The following MYO1D variants were observed in gnomAD, a reference collection of about 807,000 sequenced individuals.
MYO1D encodes the protein unconventional myosin-Id.
In MYO1D, 83 loss-of-function variants were observed where a neutral mutation model predicts 122.0. The ratio of observed to expected loss-of-function variants is 0.68; its 90% CI spans 0.57 to 0.82. The LOEUF is 0.82. MYO1D is among the 40% of genes least tolerant of loss of function. The pLI is 0.00. For synonymous variants in MYO1D, 464 were observed against 446.9 expected, an observed-to-expected ratio of 1.04 and a Z score of -0.48; for missense variants, 1,157 against 1,269.5, an observed-to-expected ratio of 0.91 and a Z score of 1.35.
chr17:32,522,952 G>A (rs969584614), intron 21 of MYO1D, among the ~76,000 whole-genome samples: 19 of 152,120 alleles, frequency 1.2e-4, no homozygotes, highest in Admixed American at 5.9e-4. Flanking sequence ...GAGTAGCTGG[G>A]ACTACAGGTG....
chr17:32,764,266 G>A (rs72815077), intron 8 of MYO1D, among the ~76,000 whole-genome samples: 3,445 of 152,314 alleles, frequency 0.023, 66 homozygotes, highest in Non-Finnish European at 0.035. Flanking sequence ...AGAGGCTAGA[G>A]GAGCGGGGTG....
chr17:32,865,997 CT>C lies in MYO1D; in HGVS notation c.95+10780del, dbSNP rs533336598. Among the ~76,000 whole-genome samples the C allele has an allele frequency of 2.1e-4, 32 of 152,338 alleles. No homozygotes were observed. In the South Asian group the frequency reaches 6.6e-3, roughly 32 times the overall value. The stretch of plus-strand genomic sequence containing the variant: ...AACCATGATTAGAGTCATAGTCTGG[CT>C]CTCTAGGGTCTCTCTTTTTATTTTT... On this transcript the variant is annotated intron_variant, in intron 1 of 21. Coordinates refer to ENST00000318217, the MANE Select transcript of MYO1D (RefSeq NM_015194.3).
At chr17:32,495,034 GGAGGATGCCT>G in intron 21 of MYO1D, 119 bp from the exon 22 acceptor site, 1 of 1,280,210 alleles carries the variant, frequency 7.8e-7, no homozygotes, top group East Asian at 2.6e-5. Context: ...ACAAGTGCCA[GGAGGATGCCT>G]GAAGGGCCCC....
intron 17 of MYO1D, among the ~76,000 whole-genome samples, chr17:32,656,344 A>G (rs1370120039): frequency 2.0e-5 from 3 of 152,204 alleles, no homozygotes; most frequent in Non-Finnish European, 4.4e-5. Flanking sequence ...AGAAAGTGTA[A>G]TGACTTTCTG....
chr17:32,665,744 C>T (rs1247906993), intron 16 of MYO1D, among the ~76,000 whole-genome samples: 1 of 152,242 alleles, frequency 6.6e-6, no homozygotes, highest in East Asian at 1.9e-4. Flanking sequence ...GCCCTCCACT[C>T]TCACTGAAGG....
At chr17:32,729,801 C>T (rs535281353) in intron 14 of MYO1D, among the ~76,000 whole-genome samples, 5 of 152,250 alleles carry the variant, frequency 3.3e-5, no homozygotes, top group African/African-American at 1.2e-4. Flanking sequence ...TCCTGAATAG[C>T]TAAACCAGGG....
intron 21 of MYO1D, among the ~76,000 whole-genome samples, chr17:32,580,250 G>A (rs2087319868): frequency 7.3e-6 from 1 of 137,694 alleles, no homozygotes; most frequent in South Asian, 2.3e-4. Context: ...ACTTTACCAG[G>A]TTGTAGAAGT....
intron 10 of MYO1D, among the ~76,000 whole-genome samples, chr17:32,757,427 A>T (rs183224142): frequency 6.6e-6 from 1 of 152,144 alleles, no homozygotes; most frequent in African/African-American, 2.4e-5. Context: ...CCTACAATGC[A>T]TAGAACAGCC....
intron 15 of MYO1D, among the ~76,000 whole-genome samples, chr17:32,712,942 G>A (rs1567961822): frequency 6.6e-6 from 1 of 152,082 alleles, no homozygotes; most frequent in African/African-American, 2.4e-5. Flanking sequence ...AAATCACTAG[G>A]TCTAGCCTAC....
intron 19 of MYO1D, among the ~76,000 whole-genome samples, chr17:32,645,778 A>G (rs756681398): frequency 6.6e-6 from 1 of 152,046 alleles, no homozygotes; most frequent in Non-Finnish European, 1.5e-5. Context: ...ACTTCTCTGC[A>G]TTGGTTATTC....
At chr17:32,600,665 AAG>A (rs141435102) in intron 21 of MYO1D, among the ~76,000 whole-genome samples, 3,436 of 152,296 alleles carry the variant, frequency 0.023, 138 homozygotes, top group African/African-American at 0.078. Flanking sequence ...CAAAGAATTT[AAG>A]AGAGTTTAGG....
At chr17:32,784,907 T>C (rs908508563) in intron 1 of MYO1D, among the ~76,000 whole-genome samples, 4 of 152,052 alleles carry the variant, frequency 2.6e-5, no homozygotes, top group African/African-American at 4.8e-5. Flanking sequence ...TGGGGAACAG[T>C]TGGAAATGTA....
chr17:32,688,102 T>C (rs569502906), intron 16 of MYO1D, among the ~76,000 whole-genome samples: 3 of 152,330 alleles, frequency 2.0e-5, no homozygotes, highest in Non-Finnish European at 2.9e-5. Context: ...GCCTCTTCCA[T>C]AGCATAGCTT....
At chr17:32,662,266 A>G (rs1467651226) in intron 16 of MYO1D, among the ~76,000 whole-genome samples, 5 of 152,234 alleles carry the variant, frequency 3.3e-5, no homozygotes, top group Admixed American at 3.3e-4. Context: ...AGTTTCCTTG[A>G]AAGTAAAAAG....
intron 21 of MYO1D, among the ~76,000 whole-genome samples, chr17:32,600,783 T>C (rs2087552701): frequency 6.6e-6 from 1 of 152,240 alleles, no homozygotes; most frequent in South Asian, 2.1e-4. Flanking sequence ...ACTGTTTCAC[T>C]TTCTTATTAT....
intron 7 of MYO1D, among the ~76,000 whole-genome samples, chr17:32,766,233 C>T (rs1249234298): frequency 6.6e-6 from 1 of 152,094 alleles, no homozygotes; most frequent in Non-Finnish European, 1.5e-5. Context: ...GTGTTTGAGT[C>T]TATTTATATT....
intron 3 of MYO1D, among the ~76,000 whole-genome samples, chr17:32,776,396 A>G (rs542368667): frequency 6.6e-6 from 1 of 152,324 alleles, no homozygotes; most frequent in Non-Finnish European, 1.5e-5. Flanking sequence ...ATACACATGT[A>G]TCAGCAAATG....
chr17:32,735,784 T>C (rs1287902565), intron 14 of MYO1D, among the ~76,000 whole-genome samples: 1 of 152,174 alleles, frequency 6.6e-6, no homozygotes. Context: ...TTGGATAATT[T>C]TGATATCACT....
chr17:32,534,024 T>C (rs1431301705), intron 21 of MYO1D, among the ~76,000 whole-genome samples: 3 of 152,234 alleles, frequency 2.0e-5, no homozygotes, highest in East Asian at 1.9e-4. Flanking sequence ...CATGACTTCA[T>C]AGCTACTTAA....
Sources: allele counts gnomAD v4.1 joint callset (sites outside exome capture counted in the v4.1 genomes callset), GRCh38; gene constraint gnomAD v4.1.1; transcripts MANE v1.5; gene names NCBI Gene and HGNC (gene_info 2026-07-23, HGNC 2026-07-21).